Variants in ADAMTSL1 observed in about 807,000 individuals in gnomAD.
ADAMTSL1 encodes ADAMTS-like protein 1.
A neutral mutation model predicts 201.8 loss-of-function variants in ADAMTSL1; 126 were observed. The ratio of observed to expected loss-of-function variants is 0.62; its 90% CI spans 0.54 to 0.72. The LOEUF (loss-of-function observed/expected upper bound fraction) is 0.72, where lower values mean the gene tolerates loss of function less well. Ranked by LOEUF, ADAMTSL1 falls within the 30% of genes least tolerant of loss-of-function variation. The pLI, the probability that ADAMTSL1 is intolerant of heterozygous loss-of-function variation, is 0.00. For missense variants in ADAMTSL1, 2,679 were observed against 2,277.8 expected (o/e 1.18, Z -3.59); for synonymous variants, 1,121 against 903.4 (o/e 1.24, Z -4.32).
At chr9:18,455,221 T>C (rs1405173351) in intron 2 of ADAMTSL1, among the ~76,000 whole-genome samples, 1 of 152,266 alleles carries the variant, frequency 6.6e-6, no homozygotes, top group Non-Finnish European at 1.5e-5. Context: ...ATGATTTCTT[T>C]CAGTATTTTA....
At chr9:18,109,952 C>T (rs1279387874) in intron 1 of ADAMTSL1, among the ~76,000 whole-genome samples, 1 of 152,118 alleles carries the variant, frequency 6.6e-6, no homozygotes, top group Non-Finnish European at 1.5e-5. Flanking sequence ...GTGCAAATTA[C>T]CTTGGGATAC....
At chr9:18,806,079 G>T (rs140882065) in intron 20 of ADAMTSL1, among the ~76,000 whole-genome samples, 1 of 152,140 alleles carries the variant, frequency 6.6e-6, no homozygotes, top group South Asian at 2.1e-4. Context: ...AAGTATATTC[G>T]TGACTTACAA....
At chr9:18,474,438 A>G in intron 1 of ADAMTSL1, 143 bp downstream of exon 1, 1 of 854,310 alleles carries the variant, frequency 1.2e-6, no homozygotes, top group Non-Finnish European at 1.9e-6. Flanking sequence ...GATTACAAAG[A>G]GAGAATACTC....
Position 18,034,955 on chromosome 9 carries a change from C to T in ADAMTSL1, c.87+128033C>T, listed in dbSNP as rs953934775. Among the ~76,000 whole-genome samples, 5 of 152,114 alleles carry T rather than the reference C, an allele frequency of 3.3e-5. No homozygotes were observed. In the East Asian group the frequency reaches 7.7e-4, roughly 23 times the overall value. ...TTGTTCTAGTCTTCACTTTCCTTTG[C>T]TATGATATCTAGTCTGTATCCTGTG... On this transcript the variant is annotated intron_variant, in intron 1 of 29. Transcript: ENST00000680146.
chr9:18,559,131 A>G (rs1317734092), intron 3 of ADAMTSL1, among the ~76,000 whole-genome samples: 2 of 152,022 alleles, frequency 1.3e-5, no homozygotes, highest in Non-Finnish European at 2.9e-5. Flanking sequence ...TAGAGTTTTT[A>G]TGGTTTTAGG....
chr9:18,290,867 T>C (rs138695998), intron 2 of ADAMTSL1, among the ~76,000 whole-genome samples: 9,001 of 151,002 alleles, frequency 0.06, 902 homozygotes, highest in African/African-American at 0.21. Flanking sequence ...CTACAAGCTC[T>C]GCCTCCCAGG....
At chr9:18,291,023 C>T (rs1285684763) in intron 2 of ADAMTSL1, among the ~76,000 whole-genome samples, 1 of 152,006 alleles carries the variant, frequency 6.6e-6, no homozygotes, top group South Asian at 2.1e-4. Flanking sequence ...CCTTGTGATC[C>T]GCCCACCTCA....
chr9:18,103,384 C>G (rs1824617224), intron 1 of ADAMTSL1, among the ~76,000 whole-genome samples: 1 of 152,058 alleles, frequency 6.6e-6, no homozygotes, highest in African/African-American at 2.4e-5. Context: ...GATGTTTTCT[C>G]AAGCGATTGT....
intron 2 of ADAMTSL1, among the ~76,000 whole-genome samples, chr9:18,460,893 AAATCAAATGGT>A (rs1279758035): frequency 6.6e-6 from 1 of 152,204 alleles, no homozygotes; most frequent in Non-Finnish European, 1.5e-5. Flanking sequence ...TAAGAAACCT[AAATCAAATGGT>A]ACCTCAAATT....
intron 1 of ADAMTSL1, among the ~76,000 whole-genome samples, chr9:18,111,221 C>G (rs564103535): frequency 6.6e-6 from 1 of 152,278 alleles, no homozygotes; most frequent in Non-Finnish European, 1.5e-5. Flanking sequence ...ATCATAATGA[C>G]AAGAGTTATT....
intron 1 of ADAMTSL1, among the ~76,000 whole-genome samples, chr9:17,923,117 A>G (rs1030122567): frequency 2.0e-5 from 3 of 151,992 alleles, no homozygotes; most frequent in African/African-American, 4.8e-5. Flanking sequence ...TTGACTTGGC[A>G]ATGCGGGCTC....
rs1359391391 is a variant in ADAMTSL1, at chr9:18,475,704, G to A, written c.63+1409G>A. On this transcript the variant is annotated intron_variant, in intron 1 of 28. Coordinates refer to ENST00000380548, the MANE Select transcript of ADAMTSL1 (RefSeq NM_001040272.6). ...GTGTCTCATTTTTTCCATATGGGAT[G>A]TGTTACTTGTATACACCATTAGTTT... 2.0e-5 allele frequency among the ~76,000 whole-genome samples: 3 copies of A among 152,088 alleles called. No homozygotes were observed. The East Asian group carries it at 5.8e-4, about 29-fold the overall frequency.
chr9:18,136,178 CA>C (rs1826148883), intron 1 of ADAMTSL1, among the ~76,000 whole-genome samples: 1 of 152,140 alleles, frequency 6.6e-6, no homozygotes, highest in African/African-American at 2.4e-5. Flanking sequence ...CCTGGCTGCA[CA>C]TCAGAATCAT....
In ADAMTSL1 at chr9:18,270,629, A is replaced by G. The variant is rs150272334; in HGVS notation, c.207+106648A>G. Among the ~76,000 whole-genome samples the G allele has an allele frequency of 7.5e-3, 1,138 of 152,318 alleles. 18 individuals carry two copies. The highest frequency in any genetic ancestry group is 0.024 in the East Asian group (125 of 5,180). On this transcript the variant is annotated intron_variant, in intron 2 of 29. Transcript: ENST00000680146. ...TATTGCCTTATTGAAACTTTTATCCAGAAAGGCAACACAATTTAGATGTAG... is the reference window on the plus strand; with the variant it reads ...TATTGCCTTATTGAAACTTTTATCCGGAAAGGCAACACAATTTAGATGTAG...
intron 20 of ADAMTSL1, among the ~76,000 whole-genome samples, chr9:18,816,682 T>C (rs1373416007): frequency 6.6e-6 from 1 of 150,664 alleles, no homozygotes. Flanking sequence ...TCTCAATTTG[T>C]ATAACATGCT....
At chr9:18,866,090 CAG>C (rs1160802309) in intron 23 of ADAMTSL1, among the ~76,000 whole-genome samples, 1 of 92,142 alleles carries the variant, frequency 1.1e-5, no homozygotes, top group African/African-American at 6.5e-5. Context: ...AAATGGCACA[CAG>C]AGAGATTGCT....
chr9:18,185,330 A>G (rs1030344132), intron 2 of ADAMTSL1, among the ~76,000 whole-genome samples: 4 of 152,136 alleles, frequency 2.6e-5, no homozygotes, highest in African/African-American at 4.8e-5. Flanking sequence ...TTTTACAGCC[A>G]CAGGCCATGA....
chr9:18,259,901 G>C (rs1831849617), intron 2 of ADAMTSL1, among the ~76,000 whole-genome samples: 1 of 152,136 alleles, frequency 6.6e-6, no homozygotes, highest in Non-Finnish European at 1.5e-5. Flanking sequence ...TTGTTTCCTA[G>C]TCACTGTGAG....
intron 1 of ADAMTSL1, among the ~76,000 whole-genome samples, chr9:18,112,763 T>C (rs577611023): frequency 3.3e-5 from 5 of 152,300 alleles, no homozygotes; most frequent in African/African-American, 1.2e-4. Flanking sequence ...AATATCCCCC[T>C]CTACCATGTA....
Sources: allele counts gnomAD v4.1 joint callset (sites outside exome capture counted in the v4.1 genomes callset), GRCh38; gene constraint gnomAD v4.1.1; transcripts MANE v1.5; gene names NCBI Gene and HGNC (gene_info 2026-07-23, HGNC 2026-07-21).